ADGRL2: variants seen among roughly 807,000 people sequenced by gnomAD.
The protein encoded by ADGRL2 is calcium-independent alpha-latrotoxin receptor 2.
In ADGRL2, 44 loss-of-function variants were observed where a neutral mutation model predicts 157.4. The ratio of observed to expected loss-of-function variants is 0.28; its 90% confidence interval spans 0.22 to 0.36. The LOEUF (loss-of-function observed/expected upper bound fraction) is 0.36. ADGRL2 is among the 10% of genes least tolerant of loss of function. The pLI is 1.00. For missense variants in ADGRL2, 1,510 were observed against 1,768.9 expected (o/e 0.85, Z 2.63); for synonymous variants, 585 against 624.7 (o/e 0.94, Z 0.95).
intron 3 of ADGRL2, among the ~76,000 whole-genome samples, chr1:81,934,321 T>A (rs1357505158): frequency 6.6e-6 from 1 of 151,972 alleles, no homozygotes; most frequent in Non-Finnish European, 1.5e-5. Flanking sequence ...AAACAAAATG[T>A]AATGGAAACC....
intron 1 of ADGRL2, among the ~76,000 whole-genome samples, chr1:81,337,316 C>A (rs1040722432): frequency 5.3e-5 from 8 of 151,182 alleles, no homozygotes; most frequent in African/African-American, 1.9e-4. Context: ...CTGGAACACA[C>A]ACCCTCTGGG....
In ADGRL2 at chr1:81,480,135, T is replaced by C. The variant is rs546968753; in HGVS notation, c.-248+35046T>C. 2.6e-5 allele frequency among the ~76,000 whole-genome samples: 4 copies of C among 152,274 alleles called. No homozygotes were observed. The South Asian group carries it at 8.3e-4, about 32-fold the overall frequency. On this transcript the variant is annotated intron_variant, in intron 2 of 24. Transcript: ENST00000370721. Reference sequence around the variant, plus strand: ...CCAGCTAAAGATTCTTCAACCAGAATCTTCCTCCTAAGAAACAAGAAACAA... The same window carrying C: ...CCAGCTAAAGATTCTTCAACCAGAACCTTCCTCCTAAGAAACAAGAAACAA...
chr1:81,322,087 C>CATATAT (rs148181887), intron 1 of ADGRL2, among the ~76,000 whole-genome samples: 1,671 of 112,282 alleles, frequency 0.015, 38 homozygotes, highest in Middle Eastern at 0.022. Context: ...AGGACTAATT[C>CATATAT]ATATATATAT....
At chr1:81,317,615 A>C (rs963428860) in intron 1 of ADGRL2, among the ~76,000 whole-genome samples, 10 of 152,194 alleles carry the variant, frequency 6.6e-5, no homozygotes, top group African/African-American at 2.4e-4. Context: ...GTCTCTAGAA[A>C]CAGTATAGTA....
At chr1:81,473,390 T>C (rs1489163347) in intron 2 of ADGRL2, among the ~76,000 whole-genome samples, 2 of 152,204 alleles carry the variant, frequency 1.3e-5, no homozygotes, top group African/African-American at 2.4e-5. Flanking sequence ...CCAGAACTTA[T>C]ATACACACTG....
chr1:81,564,448 G>A (rs777410973), intron 2 of ADGRL2, among the ~76,000 whole-genome samples: 4 of 152,132 alleles, frequency 2.6e-5, no homozygotes, highest in Non-Finnish European at 5.9e-5. Context: ...TCAGTTCCTC[G>A]TGGGTTGTTG....
intron 1 of ADGRL2, among the ~76,000 whole-genome samples, chr1:81,411,661 G>C (rs2076946830): frequency 6.6e-6 from 1 of 152,156 alleles, no homozygotes; most frequent in African/African-American, 2.4e-5. Context: ...GGGAGGCTGA[G>C]GTGGGCGGAT....
chr1:81,480,618 A>C (rs1216284994), intron 2 of ADGRL2, among the ~76,000 whole-genome samples: 6 of 152,212 alleles, frequency 3.9e-5, no homozygotes, highest in Non-Finnish European at 8.8e-5. Flanking sequence ...ATACATTTTA[A>C]AAATTTACTG....
In ADGRL2 at chr1:81,338,580, T is replaced by A. The variant is rs1218664848; in HGVS notation, c.-302+32071T>A. On this transcript the variant is annotated intron_variant, in intron 1 of 24. Transcript: ENST00000370721. ...CAAAGAAAATACGGATCCAAGAAGGTCTTTTACAATGGCAGAAGTTACTTT... is the reference window on the plus strand; with the variant it reads ...CAAAGAAAATACGGATCCAAGAAGGACTTTTACAATGGCAGAAGTTACTTT... Among the ~76,000 whole-genome samples, 4 of 152,234 alleles carry A rather than the reference T, an allele frequency of 2.6e-5. No individual in the cohort carries two copies. In the South Asian group the frequency reaches 8.3e-4, roughly 32 times the overall value.
At chr1:81,507,632 G>A (rs2079001956) in intron 2 of ADGRL2, among the ~76,000 whole-genome samples, 1 of 152,172 alleles carries the variant, frequency 6.6e-6, no homozygotes, top group Non-Finnish European at 1.5e-5. Flanking sequence ...AAGCGGAAAA[G>A]GATTCATCAA....
chr1:81,868,781 A>G (rs1293733916), intron 2 of ADGRL2, among the ~76,000 whole-genome samples: 3 of 151,524 alleles, frequency 2.0e-5, no homozygotes, highest in East Asian at 1.9e-4. Flanking sequence ...TCTATTTTAC[A>G]TCTTTTTTGG....
chr1:81,525,443 G>A (rs898952748), intron 2 of ADGRL2, among the ~76,000 whole-genome samples: 16 of 151,964 alleles, frequency 1.1e-4, no homozygotes, highest in African/African-American at 3.6e-4. Context: ...TCAGCCTCCC[G>A]AACAGCTGGG....
At chr1:81,400,997 A>T (rs1028187221) in intron 1 of ADGRL2, among the ~76,000 whole-genome samples, 3 of 152,114 alleles carry the variant, frequency 2.0e-5, no homozygotes, top group African/African-American at 7.2e-5. Context: ...TGCCTTCTTC[A>T]ACTCAGGCCC....
chr1:81,326,064 A>G (rs1191675255), intron 1 of ADGRL2, among the ~76,000 whole-genome samples: 2 of 152,216 alleles, frequency 1.3e-5, no homozygotes, highest in Non-Finnish European at 2.9e-5. Context: ...ATAAATATAT[A>G]CAGGTGGAAA....
chr1:81,832,728 C>A (rs974254098), intron 1 of ADGRL2, among the ~76,000 whole-genome samples: 3 of 152,150 alleles, frequency 2.0e-5, no homozygotes, highest in Non-Finnish European at 4.4e-5. Context: ...AGCCCCAGCC[C>A]TATCCATGTG....
chr1:81,887,099 A>G (rs1231310528), intron 2 of ADGRL2, among the ~76,000 whole-genome samples: 1 of 152,244 alleles, frequency 6.6e-6, no homozygotes, highest in African/African-American at 2.4e-5. Flanking sequence ...AAGTAAATTC[A>G]TACACTGATA....
chr1:81,691,412 A>C (rs1421895969), intron 3 of ADGRL2, among the ~76,000 whole-genome samples: 2 of 152,138 alleles, frequency 1.3e-5, no homozygotes, highest in Non-Finnish European at 2.9e-5. Flanking sequence ...TACTTTGTAG[A>C]AAAGAAATAA....
intron 1 of ADGRL2, among the ~76,000 whole-genome samples, chr1:81,312,184 A>G (rs1231460799): frequency 6.6e-6 from 1 of 152,264 alleles, no homozygotes; most frequent in Non-Finnish European, 1.5e-5. Flanking sequence ...AAGGCAAACT[A>G]TGGAATAGTC....
chr1:81,597,102 G>A (rs148011081), intron 3 of ADGRL2, among the ~76,000 whole-genome samples: 14 of 152,282 alleles, frequency 9.2e-5, no homozygotes, highest in African/African-American at 2.9e-4. Context: ...TATTCTTCCT[G>A]AGAAAAGTAT....
Sources: allele counts gnomAD v4.1 joint callset (sites outside exome capture counted in the v4.1 genomes callset), GRCh38; gene constraint gnomAD v4.1.1; transcripts MANE v1.5; gene names NCBI Gene and HGNC (gene_info 2026-07-23, HGNC 2026-07-21).